The following AOAH variants were observed in gnomAD, a reference collection of about 807,000 sequenced individuals.
The protein encoded by AOAH is acyloxyacyl hydrolase.
In AOAH, 64 loss-of-function variants were observed where a neutral mutation model predicts 92.2. The ratio of observed to expected loss-of-function variants is 0.69; its 90% CI spans 0.57 to 0.86. The LOEUF (loss-of-function observed/expected upper bound fraction) is 0.86, where lower values mean the gene tolerates loss of function less well. Among genes scored for constraint, AOAH ranks in the 40% least tolerant of loss-of-function variants. The pLI, the probability that AOAH is intolerant of heterozygous loss-of-function variation, is 0.00. For synonymous variants in AOAH, 263 were observed against 254.5 expected, an observed-to-expected ratio of 1.03 and a Z score of -0.32; for missense variants, 656 against 694.6, an observed-to-expected ratio of 0.94 and a Z score of 0.62.
intron 13 of AOAH, among the ~76,000 whole-genome samples, chr7:36,572,712 C>T (rs888707929): frequency 2.6e-5 from 4 of 152,152 alleles, no homozygotes; most frequent in Non-Finnish European, 4.4e-5. Flanking sequence ...AGGTATGTAC[C>T]GTTCCCATCC....
intron 3 of AOAH, among the ~76,000 whole-genome samples, chr7:36,662,177 C>T (rs77044081): frequency 0.019 from 2,842 of 152,272 alleles, 74 homozygotes; most frequent in African/African-American, 0.065. Flanking sequence ...CCTTGGAAAT[C>T]TCCAAATATT....
At chr7:36,514,443 G>C (rs1294783761) in intron 20 of AOAH, 5 of 1,484,498 alleles carry the variant, frequency 3.4e-6, no homozygotes, top group Admixed American at 2.0e-5. Context: ...CAGCAGGCTC[G>C]ACTCTGGCTT....
intron 19 of AOAH, among the ~76,000 whole-genome samples, chr7:36,523,343 G>A (rs541083570): frequency 1.1e-4 from 17 of 152,220 alleles, no homozygotes; most frequent in Non-Finnish European, 5.9e-5. Flanking sequence ...TGTTCACTGT[G>A]TTATATGGTG....
chr7:36,611,917 G>C (rs1401600910), intron 11 of AOAH, among the ~76,000 whole-genome samples: 1 of 152,140 alleles, frequency 6.6e-6, no homozygotes, highest in African/African-American at 2.4e-5. Context: ...ACGCTGACAG[G>C]CAGTCATTCC....
intron 19 of AOAH, among the ~76,000 whole-genome samples, chr7:36,525,344 G>T (rs898411263): frequency 6.6e-6 from 1 of 152,214 alleles, no homozygotes; most frequent in Non-Finnish European, 1.5e-5. Flanking sequence ...TCCTTGAGAA[G>T]AATGTTTACT....
chr7:36,695,446 GT>G (rs545434361), intron 1 of AOAH, among the ~76,000 whole-genome samples: 1 of 152,060 alleles, frequency 6.6e-6, no homozygotes, highest in African/African-American at 2.4e-5. Flanking sequence ...TCTGCTAGGC[GT>G]TTTTTACAAA....
At chr7:36,597,099 G>T (rs549971605) in intron 11 of AOAH, among the ~76,000 whole-genome samples, 111 of 152,208 alleles carry the variant, frequency 7.3e-4, no homozygotes, top group Non-Finnish European at 1.2e-3. Context: ...GCACGGTAGG[G>T]GCTGGAAGAG....
intron 12 of AOAH, among the ~76,000 whole-genome samples, chr7:36,585,994 A>G (rs1168125826): frequency 1.3e-5 from 2 of 152,204 alleles, no homozygotes; most frequent in African/African-American, 4.8e-5. Flanking sequence ...CTTTGTCAAT[A>G]TATGGCAGGG....
At position 36,532,310 on chromosome 7, in the gene AOAH, C is replaced by T. The variant is rs1784741897; in HGVS notation, c.1341G>A (p.Leu447=). The T allele has an allele frequency of 1.2e-6, 2 of 1,614,112 alleles. No homozygotes were observed. The highest frequency in any genetic ancestry group is 1.3e-5 in the African/African-American group (1 of 75,036). ...CCTGGAGGCAGTTCAGGAAGGAGTA[C>T]AACTGCGCATAGGTCATGTCTTTAT... The part of the protein sequence containing the change: ...QLNKDMTYAQ[L]YSFLNCLQVS... The change falls in exon 17 of 21, where the codon TTG becomes TTA. Residue 447 remains leucine (L), a synonymous_variant. Transcript: ENST00000617537.
rs570898770 is a variant in AOAH, at chr7:36,584,951, G to A, written c.939-8295C>T. Among the ~76,000 whole-genome samples, 156 of 152,310 alleles carry A rather than the reference G, an allele frequency of 1.0e-3. 1 individual carries two copies. Among genetic ancestry groups the A allele is most frequent in the Non-Finnish European group, 1.9e-3 (131 of 68,024 alleles). On this transcript the variant is annotated intron_variant, in intron 12 of 20. Coordinates refer to ENST00000617537, the MANE Select transcript of AOAH (RefSeq NM_001637.4). ...ATGTGTCATGTACTGTGCCAGGTAA[G>A]AGGGCTACAAAATGAAGTCACCTGA...
At chr7:36,567,655 CAT>C (rs1430153753) in intron 13 of AOAH, among the ~76,000 whole-genome samples, 1 of 152,182 alleles carries the variant, frequency 6.6e-6, no homozygotes, top group Non-Finnish European at 1.5e-5. Context: ...GTGGGTAAAA[CAT>C]ATGATTAACC....
In AOAH at chr7:36,625,090, A is replaced by G. The variant is rs565487183; in HGVS notation, c.522-1840T>C. Among the ~76,000 whole-genome samples, 25 of 152,136 alleles carry G rather than the reference A, an allele frequency of 1.6e-4. No individual in the cohort carries two copies. In the East Asian group the frequency reaches 4.5e-3, roughly 27 times the overall value. Reference sequence around the variant, plus strand: ...TAGGGAGTGTGGGGAGTCAATAGCCACTTAGTGGACCTAATGAAGAGGGAG... The same window carrying G: ...TAGGGAGTGTGGGGAGTCAATAGCCGCTTAGTGGACCTAATGAAGAGGGAG... On this transcript the variant is annotated intron_variant, in intron 6 of 20. Coordinates refer to ENST00000617537, the MANE Select transcript of AOAH (RefSeq NM_001637.4).
chr7:36,522,065 G>T lies in AOAH; in HGVS notation c.1573C>A (p.Pro525Thr). 1.2e-6 allele frequency: 2 copies of T among 1,614,188 alleles called. No homozygotes were observed. Among genetic ancestry groups the T allele is most frequent in the Non-Finnish European group, 1.7e-6 (2 of 1,180,020 alleles). Reference sequence around the variant, plus strand: ...TCGTTGGGGTGGAATCCATCCACGGGCTCGATGAGCTGCCAGGGCTGTCCG... The same window carrying T: ...TCGTTGGGGTGGAATCCATCCACGGTCTCGATGAGCTGCCAGGGCTGTCCG... ...RGGQPWQLIEPVDGFHPNEVA... is the reference protein window; with the variant it reads ...RGGQPWQLIETVDGFHPNEVA... The change falls in exon 20 of 21, where the codon CCC (proline) becomes ACC (threonine). Residue 525 changes from proline to threonine, a missense_variant. Pro to Thr is a conservative substitution (Grantham distance 38). Transcript: ENST00000617537.
At chr7:36,704,020 C>T (rs187458139) in intron 1 of AOAH, among the ~76,000 whole-genome samples, 1 of 152,198 alleles carries the variant, frequency 6.6e-6, no homozygotes, top group East Asian at 1.9e-4. Flanking sequence ...ATGCAAGTTA[C>T]CATGTGGTGT....
At chr7:36,598,942 G>A (rs968545314) in intron 11 of AOAH, among the ~76,000 whole-genome samples, 14 of 152,090 alleles carry the variant, frequency 9.2e-5, no homozygotes, top group Middle Eastern at 3.2e-3. Flanking sequence ...TAGGAAACTC[G>A]TTTTAAATGT....
intron 3 of AOAH, among the ~76,000 whole-genome samples, chr7:36,666,115 A>G (rs1323098695): frequency 6.6e-6 from 1 of 152,114 alleles, no homozygotes; most frequent in East Asian, 1.9e-4. Flanking sequence ...TAGATTATAG[A>G]GACTTGGTAT....
At chr7:36,555,925 C>CG (rs1332295425) in intron 13 of AOAH, among the ~76,000 whole-genome samples, 1 of 152,018 alleles carries the variant, frequency 6.6e-6, no homozygotes, top group African/African-American at 2.4e-5. Context: ...TTGATCCTTT[C>CG]AAAAACCAGC....
At chr7:36,644,846 G>T (rs1315600257) in intron 4 of AOAH, among the ~76,000 whole-genome samples, 1 of 145,898 alleles carries the variant, frequency 6.9e-6, no homozygotes, top group African/African-American at 2.5e-5. Flanking sequence ...AAAGGAGAAA[G>T]CCCCTGGGAA....
chr7:36,514,846 T>C (rs1400443143), intron 20 of AOAH, among the ~76,000 whole-genome samples: 2 of 152,030 alleles, frequency 1.3e-5, no homozygotes, highest in Non-Finnish European at 2.9e-5. Context: ...CATCTGGACA[T>C]TGAGTGGGCG....
Sources: gnomAD v4.1 joint callset for allele counts (sites outside exome capture counted in the v4.1 genomes callset) on GRCh38, gnomAD v4.1.1 for gene constraint, MANE v1.5 for transcripts, NCBI Gene and HGNC (gene_info 2026-07-23, HGNC 2026-07-21) for gene names.